Variants in TOX3 observed in about 807,000 individuals in gnomAD.
The protein encoded by TOX3 is TOX high mobility group box family member 3, also known as CAG trinucleotide repeat-containing gene F9 protein.
A neutral mutation model predicts 64.3 loss-of-function variants in TOX3; 22 were observed. The observed-to-expected ratio is 0.34, with a 90% CI of 0.24 to 0.49. The LOEUF is 0.49. TOX3 is among the 20% of genes least tolerant of loss of function. TOX3 has a pLI of 0.99. For synonymous variants in TOX3, 291 were observed against 273.6 expected, an observed-to-expected ratio of 1.06 and a Z score of -0.63; for missense variants, 661 against 714.4, an observed-to-expected ratio of 0.93 and a Z score of 0.85.
At chr16:52,485,364 A>C (rs1961502115) in intron 1 of TOX3, among the ~76,000 whole-genome samples, 1 of 151,480 alleles carries the variant, frequency 6.6e-6, no homozygotes, top group Admixed American at 6.6e-5. Context: ...CCATTATCCT[A>C]AGTAAACTTA....
At chr16:52,489,492 A>G (rs1961617519) in intron 1 of TOX3, among the ~76,000 whole-genome samples, 1 of 151,952 alleles carries the variant, frequency 6.6e-6, no homozygotes, top group Admixed American at 6.6e-5. Flanking sequence ...CTCCTCTGAC[A>G]TTTTCAGCTA....
At chr16:52,498,763 C>T (rs1305073268) in intron 1 of TOX3, among the ~76,000 whole-genome samples, 1 of 152,186 alleles carries the variant, frequency 6.6e-6, no homozygotes, top group Non-Finnish European at 1.5e-5. Context: ...AAAACTGGTC[C>T]GTGCATATCC....
intron 3 of TOX3, among the ~76,000 whole-genome samples, chr16:52,450,816 G>T (rs1224405743): frequency 1.9e-4 from 9 of 48,070 alleles, no homozygotes; most frequent in African/African-American, 6.0e-4. Context: ...AAGGAAGGAA[G>T]GAAGGAAGGA....
intron 1 of TOX3, among the ~76,000 whole-genome samples, chr16:52,492,940 C>G (rs1244264179): frequency 6.7e-6 from 1 of 150,024 alleles, no homozygotes; most frequent in Non-Finnish European, 1.5e-5. Context: ...GTTCTGAGAA[C>G]AGTCAGATCA....
intron 1 of TOX3, among the ~76,000 whole-genome samples, chr16:52,529,176 A>G (rs1962791833): frequency 1.3e-5 from 2 of 152,238 alleles, no homozygotes; most frequent in Non-Finnish European, 2.9e-5. Flanking sequence ...CTCAGAGAGT[A>G]TACTAATTTT....
intron 1 of TOX3, among the ~76,000 whole-genome samples, chr16:52,485,737 A>G (rs755576007): frequency 2.6e-5 from 4 of 152,186 alleles, no homozygotes; most frequent in African/African-American, 4.8e-5. Context: ...TGTGCCTCAG[A>G]CCAGATGAGA....
intron 1 of TOX3, among the ~76,000 whole-genome samples, chr16:52,510,703 C>T (rs527620178): frequency 1.4e-5 from 2 of 140,574 alleles, no homozygotes; most frequent in Admixed American, 7.7e-5. Context: ...TTGCAGTGAG[C>T]CGAGATGGGA....
chr16:52,521,371 G>A (rs1489306827), intron 1 of TOX3, among the ~76,000 whole-genome samples: 1 of 151,910 alleles, frequency 6.6e-6, no homozygotes, highest in Non-Finnish European at 1.5e-5. Context: ...AGCACACCAT[G>A]TTTGCTCATG....
At chr16:52,456,094 C>T (rs565984951) in intron 3 of TOX3, among the ~76,000 whole-genome samples, 63 of 152,228 alleles carry the variant, frequency 4.1e-4, no homozygotes, top group African/African-American at 1.3e-3. Context: ...GAGGCTGGAA[C>T]GGCAAGTCAT....
intron 1 of TOX3, among the ~76,000 whole-genome samples, chr16:52,537,065 T>C (rs1264312579): frequency 6.6e-6 from 1 of 151,998 alleles, no homozygotes; most frequent in Non-Finnish European, 1.5e-5. Flanking sequence ...GCTCTCTCAC[T>C]CTCTCTCTAA....
intron 1 of TOX3, among the ~76,000 whole-genome samples, chr16:52,495,460 A>T (rs1458772690): frequency 2.0e-5 from 3 of 152,198 alleles, no homozygotes; most frequent in Admixed American, 6.6e-5. Context: ...GGGAAGGCAG[A>T]CCTTAATAAC....
Position 52,534,414 on chromosome 16 carries a change from G to A in TOX3, c.87+12223C>T, listed in dbSNP as rs77341244. Reference sequence around the variant, plus strand: ...ACTCTTTGCAGGGCCATGGCGAGAGGATCACTTGAGGCCAGGAGTTCAAGA... The same window carrying A: ...ACTCTTTGCAGGGCCATGGCGAGAGAATCACTTGAGGCCAGGAGTTCAAGA... On this transcript the variant is annotated intron_variant, in intron 1 of 6. Coordinates refer to ENST00000219746, the MANE Select transcript of TOX3 (RefSeq NM_001080430.4). Among the ~76,000 whole-genome samples, 10 of 152,250 alleles carry A rather than the reference G, an allele frequency of 6.6e-5. No homozygotes were observed. The East Asian group carries it at 1.9e-3, about 29-fold the overall frequency.
At chr16:52,500,268 T>G (rs182194368) in intron 1 of TOX3, among the ~76,000 whole-genome samples, 1 of 152,180 alleles carries the variant, frequency 6.6e-6, no homozygotes, top group Non-Finnish European at 1.5e-5. Context: ...AGCACTATGA[T>G]TGGAGCAAAA....
At chr16:52,452,076 G>C (rs941357680) in intron 3 of TOX3, among the ~76,000 whole-genome samples, 4 of 151,906 alleles carry the variant, frequency 2.6e-5, no homozygotes, top group Non-Finnish European at 5.9e-5. Context: ...TCCCAGTTGA[G>C]AACCACTAAC....
intron 1 of TOX3, among the ~76,000 whole-genome samples, chr16:52,513,061 A>T (rs1395231503): frequency 6.6e-6 from 1 of 152,262 alleles, no homozygotes; most frequent in Non-Finnish European, 1.5e-5. Flanking sequence ...AGGAAAGAAG[A>T]GCTATAATGC....
intron 1 of TOX3, among the ~76,000 whole-genome samples, chr16:52,510,678 C>T (rs2151471394): frequency 6.8e-6 from 1 of 146,054 alleles, no homozygotes; most frequent in South Asian, 2.2e-4. Context: ...ACCGCTTGAA[C>T]CTGGGAGGTG....
chr16:52,537,715 T>A (rs1198121057), intron 1 of TOX3, among the ~76,000 whole-genome samples: 1 of 151,974 alleles, frequency 6.6e-6, no homozygotes, highest in Non-Finnish European at 1.5e-5. Context: ...GCTACGAGCC[T>A]GGGCATGGGA....
chr16:52,501,858 G>A (rs560818216), intron 1 of TOX3, among the ~76,000 whole-genome samples: 2 of 152,154 alleles, frequency 1.3e-5, no homozygotes, highest in South Asian at 4.1e-4. Flanking sequence ...ATGTCAACAA[G>A]TAAAGTTCCT....
At chr16:52,531,403 G>A (rs1962849064) in intron 1 of TOX3, among the ~76,000 whole-genome samples, 1 of 152,096 alleles carries the variant, frequency 6.6e-6, no homozygotes, top group Non-Finnish European at 1.5e-5. Flanking sequence ...TGCTTAAGGT[G>A]GTAAGTTTGA....
Sources: gnomAD v4.1 joint callset for allele counts (sites outside exome capture counted in the v4.1 genomes callset) on GRCh38, gnomAD v4.1.1 for gene constraint, MANE v1.5 for transcripts, NCBI Gene and HGNC (gene_info 2026-07-23, HGNC 2026-07-21) for gene names.